The following FGD4 variants were observed in gnomAD, a reference collection of about 807,000 sequenced individuals.
The protein encoded by FGD4 is FYVE, RhoGEF and PH domain containing 4.
In FGD4, 42 loss-of-function variants were observed where a neutral mutation model predicts 102.0. The observed-to-expected ratio is 0.41, with a 90% CI of 0.32 to 0.53. The LOEUF (loss-of-function observed/expected upper bound fraction) is 0.53. Ranked by LOEUF, FGD4 falls within the 20% of genes least tolerant of loss-of-function variation. The pLI, the probability that FGD4 is intolerant of heterozygous loss-of-function variation, is 0.21. For missense variants in FGD4, 902 were observed against 1,078.2 expected (o/e 0.84, Z 2.29); for synonymous variants, 380 against 375.7 (o/e 1.01, Z -0.13).
intron 4 of FGD4, among the ~76,000 whole-genome samples, chr12:32,595,891 AT>A (rs1176836330): frequency 2.6e-5 from 4 of 152,088 alleles, no homozygotes; most frequent in Non-Finnish European, 4.4e-5. Context: ...AAAATACCTC[AT>A]TTCAATGCCA....
chr12:32,526,397 C>T (rs1036747862), intron 1 of FGD4, among the ~76,000 whole-genome samples: 3 of 152,190 alleles, frequency 2.0e-5, no homozygotes, highest in Non-Finnish European at 2.9e-5. Flanking sequence ...ATGCACCAAT[C>T]GACACTCTGT....
At chr12:32,601,254 T>A in intron 5 of FGD4, 24 bp from the exon 6 acceptor site, 1 of 1,609,648 alleles carries the variant, frequency 6.2e-7, no homozygotes, top group South Asian at 1.1e-5. Context: ...TGTGAAGTAA[T>A]GCTTACATTA....
intron 1 of FGD4, among the ~76,000 whole-genome samples, chr12:32,445,939 G>A (rs547758412): frequency 6.6e-6 from 1 of 152,168 alleles, no homozygotes; most frequent in East Asian, 1.9e-4. Flanking sequence ...GGCCAAGGTG[G>A]GCAGATTGTT....
At chr12:32,599,494 C>CAAAAAAAAAA (rs777429838) in intron 5 of FGD4, among the ~76,000 whole-genome samples, 8 of 19,702 alleles carry the variant, frequency 4.1e-4, no homozygotes, top group African/African-American at 1.3e-3. Flanking sequence ...GACTCCGTCT[C>CAAAAAAAAAA]AAAAAAAAAA....
chr12:32,585,234 ATATATATATATATATATATATATG>A (rs1946920869), intron 4 of FGD4, among the ~76,000 whole-genome samples: 2 of 81,744 alleles, frequency 2.4e-5, no homozygotes, highest in South Asian at 2.8e-4. Flanking sequence ...ATATATATAT[ATATATATATATATATATATATATG>A]TATATCTTAA....
At chr12:32,587,663 G>T (rs909432094) in intron 4 of FGD4, among the ~76,000 whole-genome samples, 26 of 152,204 alleles carry the variant, frequency 1.7e-4, no homozygotes, top group Middle Eastern at 3.4e-3. Context: ...AGTGCTGACA[G>T]GTGTGAGCCA....
At chr12:32,573,835 C>T (rs1277658853) in intron 2 of FGD4, among the ~76,000 whole-genome samples, 2 of 152,150 alleles carry the variant, frequency 1.3e-5, no homozygotes, top group African/African-American at 4.8e-5. Flanking sequence ...TCCTTGATGA[C>T]ACACTAAGTA....
intron 1 of FGD4, among the ~76,000 whole-genome samples, chr12:32,434,045 G>A (rs543580587): frequency 8.4e-4 from 128 of 151,936 alleles, no homozygotes; most frequent in African/African-American, 3.0e-3. Flanking sequence ...TAGTAGAGAT[G>A]GGGTTTCACC....
chr12:32,399,787 C>A lies in FGD4; in HGVS notation c.-7C>A. On this transcript the variant is annotated 5_prime_UTR_variant, in exon 1 of 17. Coordinates refer to ENST00000534526, the MANE Select transcript of FGD4 (RefSeq NM_001370298.3). ...GGAGTCGGGGAGCGGCGGTCGAGCC[C>A]GGCAGGATGAGCGACGAGGGCGGCT... 1 of 1,529,738 alleles carries A rather than the reference C, an allele frequency of 6.5e-7. No homozygotes were observed. Among genetic ancestry groups the A allele is most frequent in the Non-Finnish European group, 8.7e-7 (1 of 1,144,944 alleles). The allele number at this position is 1,529,738 out of a possible 1,614,324, so 94.8% of individuals were successfully genotyped here.
At position 32,640,522 on chromosome 12, in the gene FGD4, T is replaced by C; in HGVS notation, c.2701T>C (p.Ser901Pro). Reference protein sequence around the residue: ...LDDHPEPKKKSEC With the variant: ...LDDHPEPKKKPEC ...TGATCATCCTGAACCTAAGAAAAAA[T>C]CAGAATGCTGAACTCCTCCAGGACC... The change falls in exon 17 of 17, where the codon TCA becomes CCA. Residue 901 changes from serine to proline, a missense_variant. Around this residue, in one of 2 missense-constraint regions of FGD4, gnomAD observed 459 missense variants for 619.0 expected, o/e 0.74. Transcript: ENST00000534526. 6.2e-7 allele frequency: 1 copy of C among 1,613,710 alleles called. No homozygotes were observed. The highest frequency in any genetic ancestry group is 8.5e-7 in the Non-Finnish European group (1 of 1,179,992).
intron 1 of FGD4, among the ~76,000 whole-genome samples, chr12:32,539,055 A>G (rs1228135154): frequency 6.6e-6 from 1 of 152,174 alleles, no homozygotes; most frequent in African/African-American, 2.4e-5. Context: ...CTCTGTCTCA[A>G]TAAATAAAAA....
intron 14 of FGD4, among the ~76,000 whole-genome samples, chr12:32,631,111 G>A (rs944258958): frequency 1.3e-5 from 2 of 152,172 alleles, no homozygotes; most frequent in African/African-American, 4.8e-5. Flanking sequence ...CCAAAAATAT[G>A]TTTCTGATTG....
chr12:32,620,754 G>A (rs1050593612), intron 11 of FGD4, among the ~76,000 whole-genome samples: 7 of 142,158 alleles, frequency 4.9e-5, no homozygotes, highest in African/African-American at 1.6e-4. Context: ...CTGGAGTGCA[G>A]TGCCCTGATC....
At chr12:32,525,688 G>A (rs570258665) in intron 1 of FGD4, among the ~76,000 whole-genome samples, 8 of 152,362 alleles carry the variant, frequency 5.3e-5, no homozygotes. Flanking sequence ...GGCACGAGCG[G>A]GAACCGGGGC....
rs1172405052 is a variant in FGD4, at chr12:32,598,574, C to T, written c.1089C>T (p.Asp363=). 6.2e-7 allele frequency: 1 copy of T among 1,612,682 alleles called. No homozygotes were observed. The highest frequency in any genetic ancestry group is 1.1e-5 in the South Asian group (1 of 90,996). The change falls in exon 5 of 17, where the codon GAC becomes GAT. Residue 363 remains aspartate (D), a synonymous_variant. Transcript: ENST00000534526. The part of the protein sequence containing the change: ...LTERAYVNRL[D]LLDQVFYCKL... ...AAAGAGCTTATGTCAACCGACTTGA[C>T]CTCTTAGATCAGGTAAGATTTTCTT...
chr12:32,598,132 TA>T (rs1258117023), intron 4 of FGD4, among the ~76,000 whole-genome samples: 1 of 152,186 alleles, frequency 6.6e-6, no homozygotes, highest in Non-Finnish European at 1.5e-5. Flanking sequence ...TTAATAAATG[TA>T]TAGAACTGAT....
intron 1 of FGD4, among the ~76,000 whole-genome samples, chr12:32,519,926 G>A (rs1453436620): frequency 1.3e-5 from 2 of 152,168 alleles, no homozygotes; most frequent in Non-Finnish European, 2.9e-5. Flanking sequence ...CAGTCTGGGT[G>A]ACAGAGCAAG....
At chr12:32,570,206 A>G (rs1020727776) in intron 2 of FGD4, among the ~76,000 whole-genome samples, 1 of 136,012 alleles carries the variant, frequency 7.4e-6, no homozygotes, top group African/African-American at 2.8e-5. Flanking sequence ...GCGCCATTGC[A>G]CTCCAGCCTG....
In FGD4 at chr12:32,595,932, A is replaced by G. The variant is rs529200780; in HGVS notation, c.1012-2565A>G. Among the ~76,000 whole-genome samples, 3 of 152,354 alleles carry G rather than the reference A, an allele frequency of 2.0e-5. No homozygotes were observed. The South Asian group carries it at 6.2e-4, about 32-fold the overall frequency. On this transcript the variant is annotated intron_variant, in intron 4 of 16. Coordinates refer to ENST00000534526, the MANE Select transcript of FGD4 (RefSeq NM_001370298.3). ...AAGAAACAACACATTAACTTTACAT[A>G]TTGAAAGGATCTTGTGTGTAAAGTG... is the stretch of plus-strand genomic sequence containing the variant.
Sources: gnomAD v4.1 joint callset for allele counts (sites outside exome capture counted in the v4.1 genomes callset) on GRCh38, gnomAD v4.1.1 for gene constraint, gnomAD v4.1.1 regional missense constraint, MANE v1.5 for transcripts, NCBI Gene and HGNC (gene_info 2026-07-23, HGNC 2026-07-21) for gene names.